UNC5C: variants seen among roughly 807,000 people sequenced by gnomAD.
UNC5C encodes the protein unc-5 netrin receptor C, also known as netrin receptor UNC5C.
In UNC5C, 47 loss-of-function variants were observed where a neutral mutation model predicts 99.8. That is an observed-to-expected ratio of 0.47 (90% CI 0.37 to 0.60). The LOEUF (loss-of-function observed/expected upper bound fraction) is 0.60, where lower values mean the gene tolerates loss of function less well. UNC5C is among the 20% of genes least tolerant of loss of function. The pLI is 0.00. For synonymous variants in UNC5C, 487 were observed against 452.2 expected, an observed-to-expected ratio of 1.08 and a Z score of -0.98; for missense variants, 1,062 against 1,165.9, an observed-to-expected ratio of 0.91 and a Z score of 1.30.
chr4:95,310,824 C>T (rs547489514), intron 2 of UNC5C, among the ~76,000 whole-genome samples: 1 of 152,128 alleles, frequency 6.6e-6, no homozygotes, highest in East Asian at 1.9e-4. Context: ...ATTTCTAGTG[C>T]TTCTAGAAAG....
intron 7 of UNC5C, among the ~76,000 whole-genome samples, chr4:95,234,436 T>A (rs1429759615): frequency 6.6e-6 from 1 of 152,186 alleles, no homozygotes; most frequent in Non-Finnish European, 1.5e-5. Flanking sequence ...TGCAGGTTAG[T>A]TACATATGTA....
At chr4:95,537,357 G>C (rs879460667) in intron 1 of UNC5C, among the ~76,000 whole-genome samples, 4 of 152,254 alleles carry the variant, frequency 2.6e-5, no homozygotes, top group Non-Finnish European at 5.9e-5. Context: ...CTAATGGTCT[G>C]ATAATAGGGG....
chr4:95,381,934 T>A (rs1745082643), intron 1 of UNC5C, among the ~76,000 whole-genome samples: 1 of 151,978 alleles, frequency 6.6e-6, no homozygotes, highest in Non-Finnish European at 1.5e-5. Flanking sequence ...AGTTGGTGGG[T>A]AATAGTCTCT....
At chr4:95,179,469 G>A (rs141385144) in intron 14 of UNC5C, among the ~76,000 whole-genome samples, 139 of 152,182 alleles carry the variant, frequency 9.1e-4, no homozygotes, top group African/African-American at 3.0e-3. Flanking sequence ...AGATGAGAAC[G>A]GGCGTGGTGG....
rs369387203 is a variant in UNC5C at position 95,225,751 on chromosome 4, A to C, written c.1109-5575T>G. ...TTTCCTACATGGGAAAATTTAAAAC[A>C]GACCAGTATTAAGTGTACTCACCAA... is the stretch of plus-strand genomic sequence containing the variant. On this transcript the variant is annotated intron_variant, in intron 7 of 15. Transcript: ENST00000453304. Among the ~76,000 whole-genome samples the C allele has an allele frequency of 8.5e-5, 13 of 152,334 alleles. No homozygotes were observed. The South Asian group carries it at 2.1e-3, about 24-fold the overall frequency.
chr4:95,377,189 T>C (rs1333437808), intron 1 of UNC5C, among the ~76,000 whole-genome samples: 2 of 152,218 alleles, frequency 1.3e-5, no homozygotes, highest in Non-Finnish European at 2.9e-5. Context: ...GTATTTAATA[T>C]TATTTCAAAA....
At chr4:95,208,078 T>C (rs1737945123) in intron 10 of UNC5C, among the ~76,000 whole-genome samples, 2 of 152,186 alleles carry the variant, frequency 1.3e-5, no homozygotes, top group Non-Finnish European at 2.9e-5. Flanking sequence ...TTCATATGGA[T>C]GCTTGTCATT....
At chr4:95,269,632 G>A (rs928981060) in intron 4 of UNC5C, among the ~76,000 whole-genome samples, 1 of 151,878 alleles carries the variant, frequency 6.6e-6, no homozygotes, top group Admixed American at 6.6e-5. Flanking sequence ...TAAGAGTTCT[G>A]GGTCTGAGAT....
intron 1 of UNC5C, among the ~76,000 whole-genome samples, chr4:95,482,156 T>C (rs1361747596): frequency 6.6e-6 from 1 of 151,442 alleles, no homozygotes; most frequent in African/African-American, 2.4e-5. Context: ...TCAAACAAAT[T>C]TACAAGAAAA....
At chr4:95,447,107 T>TA (rs2149465821) in intron 1 of UNC5C, among the ~76,000 whole-genome samples, 1 of 152,370 alleles carries the variant, frequency 6.6e-6, no homozygotes, top group East Asian at 1.9e-4. Context: ...TGTTGTATTT[T>TA]ATCTAGATAC....
At chr4:95,178,849 A>C (rs922438755) in intron 14 of UNC5C, among the ~76,000 whole-genome samples, 1 of 152,156 alleles carries the variant, frequency 6.6e-6, no homozygotes, top group African/African-American at 2.4e-5. Flanking sequence ...CAGCCTATTT[A>C]TTTCTGTGTA....
chr4:95,484,714 G>A (rs961842399), intron 1 of UNC5C, among the ~76,000 whole-genome samples: 2 of 151,842 alleles, frequency 1.3e-5, no homozygotes, highest in Non-Finnish European at 2.9e-5. Flanking sequence ...TTAAGCCACT[G>A]AGGTTTGGAG....
chr4:95,523,201 A>G (rs1170706848), intron 1 of UNC5C, among the ~76,000 whole-genome samples: 3 of 152,186 alleles, frequency 2.0e-5, no homozygotes, highest in East Asian at 1.9e-4. Flanking sequence ...TGAACTGCCC[A>G]ACAGAATTGT....
intron 1 of UNC5C, among the ~76,000 whole-genome samples, chr4:95,507,673 A>G (rs562966205): frequency 1.8e-4 from 27 of 151,956 alleles, no homozygotes; most frequent in Admixed American, 1.1e-3. Flanking sequence ...GAAGACTCCA[A>G]GTCTCTATGT....
chr4:95,354,479 A>ATATATATATATATTTTTTT lies in UNC5C; in HGVS notation c.125-18849_125-18848insAAAAAAATATATATATATA. Among the ~76,000 whole-genome samples the ATATATATATATATTTTTTT allele has an allele frequency of 9.1e-4, 100 of 110,324 alleles. 1 individual carries two copies. The highest frequency in any genetic ancestry group is 2.5e-3 in the African/African-American group (62 of 24,724). The allele number at this position is 110,324 out of a possible 152,430, so 72.4% of individuals were successfully genotyped here. A position where few individuals can be genotyped will look rare whatever the true frequency, so the allele number is the denominator to read the frequency against. On this transcript the variant is annotated intron_variant, in intron 1 of 15. Coordinates refer to ENST00000453304, the MANE Select transcript of UNC5C (RefSeq NM_003728.4). ...TTACCTAACTCTTCCATATATATATATTTTTTTTTTTTTTTTAAGAGACAG... is the reference window on the plus strand; with the variant it reads ...TTACCTAACTCTTCCATATATATATATATATATATATATTTTTTTTTTTTTTTTTTTTTTTAAGAGACAG...
At chr4:95,375,934 T>C (rs1197603693) in intron 1 of UNC5C, among the ~76,000 whole-genome samples, 1 of 151,992 alleles carries the variant, frequency 6.6e-6, no homozygotes, top group East Asian at 1.9e-4. Context: ...ATACCTGTAG[T>C]CCCAGCTACT....
chr4:95,306,868 A>C (rs1279077362), intron 2 of UNC5C, among the ~76,000 whole-genome samples: 1 of 152,200 alleles, frequency 6.6e-6, no homozygotes, highest in East Asian at 1.9e-4. Flanking sequence ...ACAAAGCTGC[A>C]GGTTGGGATG....
chr4:95,209,542 G>A (rs536826111), intron 10 of UNC5C, among the ~76,000 whole-genome samples: 27 of 152,126 alleles, frequency 1.8e-4, no homozygotes, highest in Non-Finnish European at 2.9e-4. Context: ...TAGCATTTCC[G>A]TTCTCTTTAA....
chr4:95,402,348 G>A (rs1745723894), intron 1 of UNC5C, among the ~76,000 whole-genome samples: 1 of 152,208 alleles, frequency 6.6e-6, no homozygotes, highest in Admixed American at 6.5e-5. Flanking sequence ...GCACTGGACA[G>A]ACAAGGAAGC....
Sources: gnomAD v4.1 joint callset for allele counts (sites outside exome capture counted in the v4.1 genomes callset) on GRCh38, gnomAD v4.1.1 for gene constraint, MANE v1.5 for transcripts, NCBI Gene and HGNC (gene_info 2026-07-23, HGNC 2026-07-21) for gene names.